The following ARHGAP10 variants were observed in gnomAD, a reference collection of about 807,000 sequenced individuals.
ARHGAP10 encodes Rho GTPase activating protein 10, also known as rho GTPase-activating protein 10.
In ARHGAP10, 87 loss-of-function variants were observed where a neutral mutation model predicts 108.6. The ratio of observed to expected loss-of-function variants is 0.80; its 90% CI spans 0.67 to 0.96. The LOEUF is 0.96. ARHGAP10 is among the 40% of genes least tolerant of loss of function. The probability of loss-of-function intolerance (pLI) is 0.00; values close to 1 mark genes in which losing one functional copy is unlikely to be tolerated. For missense variants in ARHGAP10, 939 were observed against 954.5 expected (o/e 0.98, Z 0.21); for synonymous variants, 347 against 341.1 (o/e 1.02, Z -0.19).
chr4:147,885,877 T>C (rs936657874), intron 10 of ARHGAP10, among the ~76,000 whole-genome samples: 3 of 152,242 alleles, frequency 2.0e-5, no homozygotes, highest in African/African-American at 7.2e-5. Context: ...TTTGAACTGC[T>C]TCTAGAATGT....
At chr4:147,857,248 G>A (rs1734130839) in intron 4 of ARHGAP10, among the ~76,000 whole-genome samples, 1 of 152,140 alleles carries the variant, frequency 6.6e-6, no homozygotes, top group African/African-American at 2.4e-5. Context: ...GTTTCATTCG[G>A]TTGGTGAGGG....
At chr4:148,032,895 T>C (rs115994430) in intron 19 of ARHGAP10, among the ~76,000 whole-genome samples, 2,056 of 152,250 alleles carry the variant, frequency 0.014, 46 homozygotes, top group African/African-American at 0.047. Flanking sequence ...CTGTGGAAGA[T>C]TCAGCAAGTC....
chr4:147,846,818 AC>A (rs764828464), intron 3 of ARHGAP10, among the ~76,000 whole-genome samples: 92 of 152,336 alleles, frequency 6.0e-4, no homozygotes, highest in Non-Finnish European at 6.9e-4. Context: ...AAGGAAAAAA[AC>A]AATCTCAAAC....
At chr4:147,920,040 G>A (rs1737170228) in intron 13 of ARHGAP10, among the ~76,000 whole-genome samples, 1 of 152,112 alleles carries the variant, frequency 6.6e-6, no homozygotes, top group Non-Finnish European at 1.5e-5. Flanking sequence ...TTGTGTGCTG[G>A]AGAAGTGGGA....
At chr4:147,880,387 A>G (rs1355614828) in intron 9 of ARHGAP10, among the ~76,000 whole-genome samples, 1 of 152,246 alleles carries the variant, frequency 6.6e-6, no homozygotes, top group Non-Finnish European at 1.5e-5. Context: ...TGAAACAGAC[A>G]TGGAAAATTA....
intron 22 of ARHGAP10, 58 bp downstream of exon 22, chr4:148,064,565 A>T: frequency 6.7e-7 from 1 of 1,482,780 alleles, no homozygotes; most frequent in South Asian, 1.1e-5. Flanking sequence ...ATAAGTCTGC[A>T]GCATGGAGTG....
chr4:147,833,155 A>G (rs939578931), intron 3 of ARHGAP10, among the ~76,000 whole-genome samples: 3 of 152,182 alleles, frequency 2.0e-5, no homozygotes, highest in Non-Finnish European at 4.4e-5. Context: ...CACAGAGGAA[A>G]AATATGTGTG....
chr4:147,761,312 C>T (rs1047544935), intron 1 of ARHGAP10, among the ~76,000 whole-genome samples: 5 of 152,092 alleles, frequency 3.3e-5, no homozygotes, highest in African/African-American at 1.2e-4. Flanking sequence ...CCACTGCACC[C>T]GGCGTAATCT....
chr4:147,784,685 A>ATATTAT lies in ARHGAP10; in HGVS notation c.155-38042_155-38041insTATTAT, dbSNP rs1560756538. 6.9e-4 allele frequency among the ~76,000 whole-genome samples: 57 copies of ATATTAT among 83,004 alleles called. 3 individuals carry two copies. The highest frequency in any genetic ancestry group is 2.6e-3 in the African/African-American group (56 of 21,452). 54.5% of individuals were successfully genotyped at this position (83,004 alleles called of 152,430 possible). A position where few individuals can be genotyped will look rare whatever the true frequency, so the allele number is the denominator to read the frequency against. On this transcript the variant is annotated intron_variant, in intron 1 of 22. Transcript: ENST00000336498. ...AATATATATTATATATTATAAATAT[A>ATATTAT]AAATATATATTATAAAATATATATT...
At chr4:148,040,906 C>T (rs1308873846) in intron 19 of ARHGAP10, among the ~76,000 whole-genome samples, 1 of 152,098 alleles carries the variant, frequency 6.6e-6, no homozygotes, top group Admixed American at 6.5e-5. Context: ...AACTTTATCA[C>T]AAGAGTGTTT....
chr4:147,996,005 C>T (rs925806757), intron 18 of ARHGAP10, among the ~76,000 whole-genome samples: 1 of 152,238 alleles, frequency 6.6e-6, no homozygotes, highest in Admixed American at 6.5e-5. Context: ...GCATCAGCCA[C>T]TGCGCCTGGT....
chr4:147,844,020 C>T (rs1417651946), intron 3 of ARHGAP10, among the ~76,000 whole-genome samples: 2 of 152,154 alleles, frequency 1.3e-5, no homozygotes, highest in Non-Finnish European at 2.9e-5. Context: ...CTAGGTGTCT[C>T]TTCTAGGCTG....
Position 147,877,863 on chromosome 4 carries a change from C to A in ARHGAP10, c.833-1369C>A, listed in dbSNP as rs1343647314. Among the ~76,000 whole-genome samples the A allele has an allele frequency of 4.1e-5, 6 of 146,816 alleles. No individual in the cohort carries two copies. The Admixed American group carries it at 4.1e-4, about 10-fold the overall frequency. On this transcript the variant is annotated intron_variant, in intron 8 of 22. Coordinates refer to ENST00000336498, the MANE Select transcript of ARHGAP10 (RefSeq NM_024605.4). ...GAGATTACAGGCATGAGCCACGAGG[C>A]CCAGCCATTCTCTTGGTTCTTAAGA...
intron 10 of ARHGAP10, among the ~76,000 whole-genome samples, chr4:147,893,247 C>T (rs1400413451): frequency 5.9e-5 from 9 of 151,638 alleles, no homozygotes; most frequent in African/African-American, 1.7e-4. Context: ...TTAGTAGAGA[C>T]GGGTTTCACC....
intron 18 of ARHGAP10, among the ~76,000 whole-genome samples, chr4:148,011,309 C>A (rs1741162572): frequency 6.6e-6 from 1 of 152,172 alleles, no homozygotes; most frequent in African/African-American, 2.4e-5. Context: ...TTTAGCTTGT[C>A]TCTTCTCCTT....
chr4:148,032,587 G>A (rs1486916913), intron 19 of ARHGAP10, among the ~76,000 whole-genome samples: 2 of 151,928 alleles, frequency 1.3e-5, no homozygotes, highest in Non-Finnish European at 2.9e-5. Flanking sequence ...GTGTATTAGG[G>A]TGCTCTAAAG....
intron 13 of ARHGAP10, among the ~76,000 whole-genome samples, chr4:147,930,013 G>C (rs1737614231): frequency 6.6e-6 from 1 of 152,172 alleles, no homozygotes; most frequent in East Asian, 1.9e-4. Flanking sequence ...TGTAAATCCT[G>C]TGAATGCCAG....
chr4:148,037,242 A>G (rs1303663171), intron 19 of ARHGAP10, among the ~76,000 whole-genome samples: 1 of 152,194 alleles, frequency 6.6e-6, no homozygotes, highest in Non-Finnish European at 1.5e-5. Context: ...TCAGAATTGG[A>G]AGTCTTGAAT....
At chr4:147,750,917 T>A (rs1729116821) in intron 1 of ARHGAP10, among the ~76,000 whole-genome samples, 1 of 151,900 alleles carries the variant, frequency 6.6e-6, no homozygotes, top group African/African-American at 2.4e-5. Context: ...ATATCTTCAA[T>A]TTAAAACAAT....
Sources: gnomAD v4.1 joint callset for allele counts (sites outside exome capture counted in the v4.1 genomes callset) on GRCh38, gnomAD v4.1.1 for gene constraint, MANE v1.5 for transcripts, NCBI Gene and HGNC (gene_info 2026-07-23, HGNC 2026-07-21) for gene names.